AGBL1: variants seen among roughly 807,000 people sequenced by gnomAD.
AGBL1 encodes the protein AGBL carboxypeptidase 1, also known as cytosolic carboxypeptidase 4.
In AGBL1, 130 loss-of-function variants were observed where a neutral mutation model predicts 118.9. That is an observed-to-expected ratio of 1.09 (90% CI 0.95 to 1.26). AGBL1 has a LOEUF of 1.26. Ranked by LOEUF, AGBL1 falls within the 50% of genes most tolerant of loss-of-function variation. The pLI is 0.00. For missense variants in AGBL1, 1,584 were observed against 1,298.1 expected (o/e 1.22, Z -3.38); for synonymous variants, 555 against 478.9 (o/e 1.16, Z -2.08).
intron 21 of AGBL1, among the ~76,000 whole-genome samples, chr15:86,595,155 T>A (rs2084388327): frequency 6.6e-6 from 1 of 152,328 alleles, no homozygotes; most frequent in East Asian, 1.9e-4. Context: ...CTTGGTCATC[T>A]TCTCCTCTCT....
chr15:86,252,515 A>T (rs1250917994), intron 7 of AGBL1, among the ~76,000 whole-genome samples: 1 of 152,176 alleles, frequency 6.6e-6, no homozygotes, highest in Non-Finnish European at 1.5e-5. Flanking sequence ...GGAAACTTAG[A>T]ATCCTATATG....
In AGBL1 at chr15:86,849,447, G is replaced by C. The variant is rs1596548635; in HGVS notation, c.3159-57640G>C. ...CAAATCAGAATTACTAGCAGCTATT[G>C]AATCTGAGGGCATTTGCTAAGTAGA... On this transcript the variant is annotated intron_variant, in intron 22 of 22. Coordinates refer to ENST00000614907, the MANE Select transcript of AGBL1 (RefSeq NM_001386094.1). Among the ~76,000 whole-genome samples the C allele has an allele frequency of 3.3e-5, 5 of 151,598 alleles. No individual in the cohort carries two copies. The East Asian group carries it at 7.7e-4, about 23-fold the overall frequency.
intron 21 of AGBL1, among the ~76,000 whole-genome samples, chr15:86,649,749 T>C (rs2085339942): frequency 6.6e-6 from 1 of 151,836 alleles, no homozygotes; most frequent in Non-Finnish European, 1.5e-5. Context: ...AGTATGCCCT[T>C]TTATTCAACA....
intron 18 of AGBL1, among the ~76,000 whole-genome samples, chr15:86,520,151 A>G (rs1042714765): frequency 9.2e-5 from 14 of 152,222 alleles, no homozygotes; most frequent in African/African-American, 3.4e-4. Flanking sequence ...TGAGGTAAGG[A>G]ACCAATGAAT....
At chr15:86,669,046 G>T (rs2085695356) in intron 21 of AGBL1, among the ~76,000 whole-genome samples, 1 of 152,002 alleles carries the variant, frequency 6.6e-6, no homozygotes, top group Non-Finnish European at 1.5e-5. Context: ...AAAAACAAAA[G>T]TTCCAACTGA....
intron 23 of AGBL1, among the ~76,000 whole-genome samples, chr15:86,984,580 C>T (rs2701403): frequency 0.016 from 2,446 of 151,966 alleles, 31 homozygotes; most frequent in Middle Eastern, 0.024. Context: ...TGGCCAGGCT[C>T]GTCTTGAACA....
intron 22 of AGBL1, among the ~76,000 whole-genome samples, chr15:86,875,406 AT>A (rs1319642641): frequency 6.6e-6 from 1 of 152,076 alleles, no homozygotes; most frequent in Non-Finnish European, 1.5e-5. Context: ...GTGTAATTGG[AT>A]TTTTTTTAAA....
At chr15:86,927,430 A>C (rs1009509725) in intron 23 of AGBL1, among the ~76,000 whole-genome samples, 1 of 147,508 alleles carries the variant, frequency 6.8e-6, no homozygotes, top group African/African-American at 2.4e-5. Flanking sequence ...CTTTACAAAA[A>C]AAAAAAATAG....
intron 21 of AGBL1, among the ~76,000 whole-genome samples, chr15:86,620,954 ATC>A (rs1445110212): frequency 6.6e-6 from 1 of 152,000 alleles, no homozygotes; most frequent in Non-Finnish European, 1.5e-5. Context: ...CTCCAGTTAA[ATC>A]TCTCTATTAT....
At chr15:86,751,837 A>AT (rs1555446618) in intron 22 of AGBL1, among the ~76,000 whole-genome samples, 1 of 152,096 alleles carries the variant, frequency 6.6e-6, no homozygotes, top group Non-Finnish European at 1.5e-5. Flanking sequence ...GCACATCCTA[A>AT]ATACACACAG....
chr15:86,978,433 A>G (rs933066981), intron 23 of AGBL1, among the ~76,000 whole-genome samples: 3 of 152,228 alleles, frequency 2.0e-5, no homozygotes. Context: ...GATTTAGACA[A>G]ATAGCTTCTG....
rs562187704 is a variant in AGBL1 at position 86,769,072 on chromosome 15, C to A, written c.3158+94636C>A. Among the ~76,000 whole-genome samples the A allele has an allele frequency of 4.6e-5, 7 of 151,862 alleles. No homozygotes were observed. The East Asian group carries it at 1.4e-3, about 30-fold the overall frequency. On this transcript the variant is annotated intron_variant, in intron 22 of 22. Transcript: ENST00000614907. ...ATTGCATCAGTTGCCAGTGTCCAAT[C>A]CTTGGATCCAGTGAGGGCTTGATGG...
chr15:86,554,630 G>A (rs775769251), intron 21 of AGBL1, 93 bp downstream of exon 21: 113 of 1,268,066 alleles, frequency 8.9e-5, no homozygotes, highest in Non-Finnish European at 1.1e-4. Context: ...CCTAAAAGGG[G>A]AAGAAGGCTC....
chr15:86,999,002 T>C (rs895055393), intron 24 of AGBL1, among the ~76,000 whole-genome samples: 11 of 151,180 alleles, frequency 7.3e-5, no homozygotes, highest in Middle Eastern at 3.5e-3. Flanking sequence ...ACTAATGCTA[T>C]CCCTTCCCCC....
At chr15:86,749,070 G>C (rs558947942) in intron 22 of AGBL1, among the ~76,000 whole-genome samples, 1 of 152,226 alleles carries the variant, frequency 6.6e-6, no homozygotes, top group South Asian at 2.1e-4. Context: ...GCTTGATGGG[G>C]ATGGGATTGA....
intron 19 of AGBL1, among the ~76,000 whole-genome samples, chr15:86,543,065 C>G (rs2083527165): frequency 6.6e-6 from 1 of 152,068 alleles, no homozygotes; most frequent in South Asian, 2.1e-4. Flanking sequence ...TTGCTGTTTT[C>G]TATTTTTTCA....
chr15:86,564,430 C>A (rs960500420), intron 21 of AGBL1, among the ~76,000 whole-genome samples: 1 of 152,150 alleles, frequency 6.6e-6, no homozygotes, highest in African/African-American at 2.4e-5. Context: ...GTTGAAAATT[C>A]TTTTCTTTAA....
chr15:86,382,435 A>T (rs886275666), intron 17 of AGBL1, among the ~76,000 whole-genome samples: 5 of 152,130 alleles, frequency 3.3e-5, no homozygotes, highest in African/African-American at 1.2e-4. Context: ...CACTCTGTTG[A>T]TTCCACACAT....
intron 23 of AGBL1, among the ~76,000 whole-genome samples, chr15:86,984,621 C>A (rs1296806301): frequency 2.0e-5 from 3 of 152,122 alleles, no homozygotes; most frequent in Non-Finnish European, 4.4e-5. Context: ...GCCTCAGCCT[C>A]CCAAAGTGCT....
Sources: gnomAD v4.1 joint callset for allele counts (sites outside exome capture counted in the v4.1 genomes callset) on GRCh38, gnomAD v4.1.1 for gene constraint, MANE v1.5 for transcripts, NCBI Gene and HGNC (gene_info 2026-07-23, HGNC 2026-07-21) for gene names.